CDH20: variants seen among roughly 807,000 people sequenced by gnomAD.
CDH20 encodes cadherin 20, also known as cadherin-20.
Under a neutral mutation model 74.2 loss-of-function variants are expected in CDH20, and 29 were observed. The ratio of observed to expected loss-of-function variants is 0.39; its 90% CI spans 0.29 to 0.53. CDH20 has a LOEUF of 0.53. CDH20 is among the 20% of genes least tolerant of loss of function. CDH20 has a pLI of 0.69. For synonymous variants in CDH20, 469 were observed against 405.4 expected (o/e 1.16, Z -1.88); for missense variants, 988 against 1,048.3 (o/e 0.94, Z 0.79).
chr18:61,407,785 T>C lies in CDH20; in HGVS notation c.-153+73958T>C, dbSNP rs576775337. On this transcript the variant is annotated intron_variant, in intron 1 of 11. Transcript: ENST00000262717. Reference sequence around the variant, plus strand: ...AACTGACCAGTACTTTTAACAAATGTCAATGTTATAAAAGGAAGGCTAAAG... The same window carrying C: ...AACTGACCAGTACTTTTAACAAATGCCAATGTTATAAAAGGAAGGCTAAAG... Among the ~76,000 whole-genome samples, 94 of 152,166 alleles carry C rather than the reference T, an allele frequency of 6.2e-4. 1 individual carries two copies. The highest frequency in any genetic ancestry group is 1.2e-3 in the Non-Finnish European group (81 of 68,038).
At chr18:61,388,971 G>T (rs150189375) in intron 1 of CDH20, among the ~76,000 whole-genome samples, 7 of 152,138 alleles carry the variant, frequency 4.6e-5, no homozygotes, top group South Asian at 4.1e-4. Flanking sequence ...ACATGCCATC[G>T]TTTATGCAAT....
Position 61,502,567 on chromosome 18 carries a change from T to C in CDH20, c.662-386T>C, listed in dbSNP as rs115173251. On this transcript the variant is annotated intron_variant, in intron 4 of 11. Transcript: ENST00000262717. ...GGGAGAATTATCTAAATTCACAGAT[T>C]TGTAGACTTATGAGGCTTTGTTTTC... Among the ~76,000 whole-genome samples the C allele has an allele frequency of 4.3e-3, 647 of 152,224 alleles. 5 individuals carry two copies. Among genetic ancestry groups the C allele is most frequent in the African/African-American group, 0.014 (598 of 41,528 alleles).
chr18:61,518,328 A>G (rs1568174006), intron 6 of CDH20, among the ~76,000 whole-genome samples: 1 of 152,046 alleles, frequency 6.6e-6, no homozygotes, highest in Admixed American at 6.5e-5. Context: ...ACTGGGAGAC[A>G]CCTCTGAGCA....
chr18:61,470,723 T>A (rs369290387), intron 1 of CDH20, among the ~76,000 whole-genome samples: 1 of 152,256 alleles, frequency 6.6e-6, no homozygotes, highest in South Asian at 2.1e-4. Flanking sequence ...GAACAGTAGA[T>A]CACTGATATA....
In CDH20 at chr18:61,545,164, G is replaced by T; in HGVS notation, c.1648+20G>T. ...ACCAAGGTAATCAGGTGGATGGTTG[G>T]CTATCTGTGCTTTTCTACAGCATAG... On this transcript the variant is annotated intron_variant, in intron 10 of 11. Coordinates refer to ENST00000262717, the MANE Select transcript of CDH20 (RefSeq NM_031891.4). The T allele has an allele frequency of 6.7e-7, 1 of 1,495,976 alleles. No homozygotes were observed. The highest frequency in any genetic ancestry group is 9.3e-7 in the Non-Finnish European group (1 of 1,072,124). The allele number at this position is 1,495,976 out of a possible 1,614,324, so 92.7% of individuals were successfully genotyped here.
chr18:61,552,713 C>A (rs1291876172), intron 11 of CDH20, among the ~76,000 whole-genome samples: 1 of 152,188 alleles, frequency 6.6e-6, no homozygotes, highest in Admixed American at 6.5e-5. Flanking sequence ...CCTTAGATTA[C>A]AAGCTCACAA....
At chr18:61,411,403 G>A (rs556206179) in intron 1 of CDH20, among the ~76,000 whole-genome samples, 75 of 152,018 alleles carry the variant, frequency 4.9e-4, no homozygotes, top group South Asian at 2.1e-3. Context: ...CCCACTACTG[G>A]GTATCTACCC....
chr18:61,347,351 C>CACAT (rs1491339267), intron 1 of CDH20, among the ~76,000 whole-genome samples: 8 of 109,658 alleles, frequency 7.3e-5, no homozygotes, highest in African/African-American at 2.8e-4. Context: ...CACACACACA[C>CACAT]ATATATATAT....
intron 1 of CDH20, among the ~76,000 whole-genome samples, chr18:61,341,245 C>T (rs747911670): frequency 6.6e-6 from 1 of 152,172 alleles, no homozygotes; most frequent in Admixed American, 6.5e-5. Flanking sequence ...ATCAAGGTGC[C>T]AGCATGGTCC....
intron 1 of CDH20, among the ~76,000 whole-genome samples, chr18:61,436,853 A>G (rs1022410830): frequency 1.1e-4 from 16 of 152,164 alleles, no homozygotes; most frequent in Admixed American, 1.0e-3. Flanking sequence ...GAGAGGCTAT[A>G]TAATTAGTAG....
At chr18:61,358,923 A>G (rs1910591439) in intron 1 of CDH20, among the ~76,000 whole-genome samples, 1 of 147,498 alleles carries the variant, frequency 6.8e-6, no homozygotes, top group Non-Finnish European at 1.5e-5. Context: ...TACTGGTGCA[A>G]TGGACTTTTT....
intron 1 of CDH20, among the ~76,000 whole-genome samples, chr18:61,386,441 T>C (rs1043110581): frequency 6.6e-6 from 1 of 152,238 alleles, no homozygotes; most frequent in Non-Finnish European, 1.5e-5. Context: ...GATGTGATTT[T>C]GGACTTCCCA....
intron 1 of CDH20, among the ~76,000 whole-genome samples, chr18:61,343,433 A>G (rs1433961801): frequency 6.6e-6 from 1 of 152,214 alleles, no homozygotes; most frequent in Non-Finnish European, 1.5e-5. Context: ...AGAAAAGCAA[A>G]CAATGTAGAG....
chr18:61,442,751 A>G (rs1568141194), intron 1 of CDH20, among the ~76,000 whole-genome samples: 1 of 152,170 alleles, frequency 6.6e-6, no homozygotes, highest in Non-Finnish European at 1.5e-5. Flanking sequence ...ACCATTAGAA[A>G]CCAAAAGGCA....
chr18:61,361,700 TTGTC>T (rs917795784), intron 1 of CDH20, among the ~76,000 whole-genome samples: 5 of 152,234 alleles, frequency 3.3e-5, no homozygotes, highest in Non-Finnish European at 5.9e-5. Context: ...CAGAAATACT[TTGTC>T]TGTTAAGTCT....
At chr18:61,544,064 C>A (rs1485367374) in intron 9 of CDH20, among the ~76,000 whole-genome samples, 4 of 152,240 alleles carry the variant, frequency 2.6e-5, no homozygotes, top group Non-Finnish European at 5.9e-5. Context: ...TGCCTACTAA[C>A]ATACTCAAGC....
chr18:61,431,021 T>C (rs902780703), intron 1 of CDH20, among the ~76,000 whole-genome samples: 12 of 152,226 alleles, frequency 7.9e-5, no homozygotes, highest in Admixed American at 7.2e-4. Context: ...TATGTATATA[T>C]GTGAACTTGT....
intron 2 of CDH20, among the ~76,000 whole-genome samples, chr18:61,495,137 T>C (rs1393182802): frequency 1.3e-5 from 2 of 152,264 alleles, no homozygotes; most frequent in Non-Finnish European, 2.9e-5. Context: ...ACTGTGCTGC[T>C]GACTCTGCTC....
At chr18:61,405,312 G>T in intron 1 of CDH20, 1 of 270,676 alleles carries the variant, frequency 3.7e-6, no homozygotes, top group Non-Finnish European at 7.1e-6. Context: ...ATAGGGTTGG[G>T]TTTGGTGGCT....
Sources: allele counts gnomAD v4.1 joint callset (sites outside exome capture counted in the v4.1 genomes callset), GRCh38; gene constraint gnomAD v4.1.1; transcripts MANE v1.5; gene names NCBI Gene and HGNC (gene_info 2026-07-23, HGNC 2026-07-21).